The following PCDHGB1 variants were observed in gnomAD, a reference collection of about 807,000 sequenced individuals.
PCDHGB1 encodes the protein protocadherin gamma subfamily B, 1, also known as protocadherin gamma-B1.
In PCDHGB1, 34 loss-of-function variants were observed where a neutral mutation model predicts 56.6. The observed-to-expected ratio is 0.60, with a 90% CI of 0.46 to 0.80. The LOEUF is 0.80. Among genes scored for constraint, PCDHGB1 ranks in the 30% least tolerant of loss-of-function variants. PCDHGB1 has a pLI of 0.00. For missense variants in PCDHGB1, 1,278 were observed against 1,204.6 expected (o/e 1.06, Z -0.90); for synonymous variants, 561 against 505.9 (o/e 1.11, Z -1.46).
At chr5:141,500,244 T>C (rs1426405294) in intron 2 of PCDHGB1, among the ~76,000 whole-genome samples, 1 of 151,640 alleles carries the variant, frequency 6.6e-6, no homozygotes, top group Non-Finnish European at 1.5e-5. Context: ...AGCCTTGCTC[T>C]GTCACCCAGG....
chr5:141,361,653 C>A, intron 1 of PCDHGB1: 2 of 1,613,770 alleles, frequency 1.2e-6, no homozygotes, highest in Non-Finnish European at 1.7e-6. Context: ...CCTACGTGTC[C>A]GTGAGCGCGC....
intron 1 of PCDHGB1, chr5:141,415,605 G>T: frequency 1.2e-6 from 2 of 1,613,122 alleles, no homozygotes; most frequent in Non-Finnish European, 1.7e-6. Flanking sequence ...ATACCCCATT[G>T]GTTCCAGTGA....
chr5:141,469,155 A>C (rs1342352040), intron 1 of PCDHGB1, among the ~76,000 whole-genome samples: 3 of 152,108 alleles, frequency 2.0e-5, no homozygotes, highest in Admixed American at 1.3e-4. Context: ...ACATGTCTGT[A>C]GTCCCAGCTA....
intron 1 of PCDHGB1, chr5:141,361,177 A>G (rs561630104): frequency 6.2e-7 from 1 of 1,613,966 alleles, no homozygotes; most frequent in Non-Finnish European, 8.5e-7. Context: ...ACCTGAAGTT[A>G]TTGTGACTTC....
intron 1 of PCDHGB1, chr5:141,478,463 G>A: frequency 6.2e-7 from 1 of 1,613,424 alleles, no homozygotes; most frequent in South Asian, 1.1e-5. Context: ...CAGTCCACTG[G>A]CCAGCCGCCA....
At chr5:141,364,315 G>A (rs371423509) in intron 1 of PCDHGB1, 156 of 1,524,232 alleles carry the variant, frequency 1.0e-4, no homozygotes, top group Non-Finnish European at 1.2e-4. Flanking sequence ...AGAGAAAATT[G>A]GGCAGAGAGA....
chr5:141,419,514 T>C (rs1180212485), intron 1 of PCDHGB1: 1 of 1,612,266 alleles, frequency 6.2e-7, no homozygotes, highest in Admixed American at 1.7e-5. Context: ...CGCGTGTTGG[T>C]GGGCGACCGT....
intron 1 of PCDHGB1, chr5:141,355,914 T>C: frequency 1.9e-6 from 3 of 1,613,820 alleles, no homozygotes; most frequent in South Asian, 1.1e-5. Flanking sequence ...CCAACGATAA[T>C]GCTCCCGTGT....
chr5:141,501,544 G>T (rs1297191346), intron 2 of PCDHGB1, among the ~76,000 whole-genome samples: 3 of 151,962 alleles, frequency 2.0e-5, no homozygotes, highest in African/African-American at 7.3e-5. Flanking sequence ...TTGTGCATAA[G>T]ATCATAGGCC....
At chr5:141,473,236 A>G (rs1314160781) in intron 1 of PCDHGB1, among the ~76,000 whole-genome samples, 1 of 152,200 alleles carries the variant, frequency 6.6e-6, no homozygotes, top group Non-Finnish European at 1.5e-5. Flanking sequence ...GGATCCACAC[A>G]AGTGAATACA....
Position 141,351,946 on chromosome 5 carries a change from G to T in PCDHGB1, c.1686G>T (p.Ala562=), listed in dbSNP as rs753094111. 1.9e-6 allele frequency: 3 copies of T among 1,613,116 alleles called. No individual in the cohort carries two copies. Among genetic ancestry groups the T allele is most frequent in the Admixed American group, 3.3e-5 (2 of 60,020 alleles). The change falls in exon 1 of 4, where the codon GCG becomes GCT. Residue 562 remains alanine (A), a synonymous_variant. Transcript: ENST00000523390. Reference sequence around the variant, plus strand: ...ATGCGCCACGGGTGCTGTACCCCGCGCTGGGGCCTGATGGCTCCGCCCTCT... The same window carrying T: ...ATGCGCCACGGGTGCTGTACCCCGCTCTGGGGCCTGATGGCTCCGCCCTCT... ...NDNAPRVLYP[A]LGPDGSALFD...
chr5:141,422,027 C>A, intron 1 of PCDHGB1: 1 of 1,610,650 alleles, frequency 6.2e-7, no homozygotes, highest in Non-Finnish European at 8.5e-7. Context: ...ATGGTTAATG[C>A]AACGGATCCA....
At chr5:141,415,259 T>C (rs778452630) in intron 1 of PCDHGB1, 1 of 1,614,108 alleles carries the variant, frequency 6.2e-7, no homozygotes, top group Non-Finnish European at 8.5e-7. Flanking sequence ...GACCTCACTC[T>C]GTACCTGGTG....
intron 1 of PCDHGB1, chr5:141,393,073 C>A: frequency 1.2e-6 from 2 of 1,613,658 alleles, no homozygotes; most frequent in Non-Finnish European, 8.5e-7. Flanking sequence ...TTGATCACCG[C>A]GGGCAGGATA....
chr5:141,462,682 G>T (rs560423384), intron 1 of PCDHGB1, among the ~76,000 whole-genome samples: 2 of 151,790 alleles, frequency 1.3e-5, no homozygotes, highest in Non-Finnish European at 2.9e-5. Context: ...TTAAATTTTT[G>T]AGCACATTTA....
chr5:141,395,102 G>T (rs766050798), intron 1 of PCDHGB1: 3 of 1,614,172 alleles, frequency 1.9e-6, no homozygotes, highest in South Asian at 1.1e-5. Flanking sequence ...CCGCCGACTC[G>T]CGGAAGAGTC....
At position 141,388,709 on chromosome 5, in the gene PCDHGB1, C is replaced by G. The variant is rs370023698; in HGVS notation, c.2409+36040C>G. On this transcript the variant is annotated intron_variant, in intron 1 of 3. Coordinates refer to ENST00000523390, the MANE Select transcript of PCDHGB1 (RefSeq NM_018922.3). Reference sequence around the variant, plus strand: ...CGGACCAGGATGAGGGTGTCAATGCCGAGATTACTTTCTCTTTCAGTGAAG... The same window carrying G: ...CGGACCAGGATGAGGGTGTCAATGCGGAGATTACTTTCTCTTTCAGTGAAG... 1.4e-5 allele frequency: 22 copies of G among 1,613,938 alleles called. No individual in the cohort carries two copies. In the Admixed American group the frequency reaches 3.7e-4, roughly 27 times the overall value.
intron 1 of PCDHGB1, chr5:141,407,957 G>A: frequency 1.5e-6 from 1 of 660,494 alleles, no homozygotes; most frequent in Non-Finnish European, 2.4e-6. Flanking sequence ...GGCCAGTGCA[G>A]AGCAAGCGCT....
intron 1 of PCDHGB1, chr5:141,399,431 T>A (rs757950073): frequency 3.1e-6 from 5 of 1,613,970 alleles, no homozygotes; most frequent in Admixed American, 3.3e-5. Context: ...ATAAGCGTCA[T>A]CCTACATATC....
Sources: allele counts gnomAD v4.1 joint callset (sites outside exome capture counted in the v4.1 genomes callset), GRCh38; gene constraint gnomAD v4.1.1; transcripts MANE v1.5; gene names NCBI Gene and HGNC (gene_info 2026-07-23, HGNC 2026-07-21).